The following EDIL3 variants were observed in gnomAD, a reference collection of about 807,000 sequenced individuals.
EDIL3 encodes EGF like and discoidin domains 3.
A neutral mutation model predicts 67.4 loss-of-function variants in EDIL3; 37 were observed. The observed-to-expected ratio is 0.55, with a 90% CI of 0.42 to 0.72. The LOEUF is 0.72. Among genes scored for constraint, EDIL3 ranks in the 30% least tolerant of loss-of-function variants. EDIL3 has a pLI of 0.00. For missense variants in EDIL3, 527 were observed against 586.3 expected, an observed-to-expected ratio of 0.90 and a Z score of 1.04; for synonymous variants, 195 against 196.3, an observed-to-expected ratio of 0.99 and a Z score of 0.05.
chr5:84,235,089 C>T (rs1744654623), intron 2 of EDIL3, among the ~76,000 whole-genome samples: 1 of 152,066 alleles, frequency 6.6e-6, no homozygotes. Flanking sequence ...CGGACGTATC[C>T]ATAGAAGTAC....
intron 1 of EDIL3, among the ~76,000 whole-genome samples, chr5:84,320,977 T>C (rs1411984962): frequency 6.6e-6 from 1 of 152,182 alleles, no homozygotes; most frequent in Non-Finnish European, 1.5e-5. Flanking sequence ...AAATAATTAC[T>C]TAATGCTATT....
At chr5:84,321,901 A>C (rs192419881) in intron 1 of EDIL3, among the ~76,000 whole-genome samples, 1 of 152,148 alleles carries the variant, frequency 6.6e-6, no homozygotes, top group African/African-American at 2.4e-5. Context: ...ACATAGAAGG[A>C]CAGGACATTG....
At chr5:84,093,279 G>T (rs1747199628) in intron 6 of EDIL3, among the ~76,000 whole-genome samples, 1 of 151,760 alleles carries the variant, frequency 6.6e-6, no homozygotes, top group African/African-American at 2.4e-5. Flanking sequence ...CATGGGAATA[G>T]ACTTAAACTA....
rs1308859076 is a variant in EDIL3 at position 84,056,263 on chromosome 5, T to C, written c.1137+4037A>G. Among the ~76,000 whole-genome samples, 3 of 152,044 alleles carry C rather than the reference T, an allele frequency of 2.0e-5. 1 individual carries two copies. Among genetic ancestry groups the C allele is most frequent in the African/African-American group, 4.8e-5 (2 of 41,404 alleles). On this transcript the variant is annotated intron_variant, in intron 9 of 10. Transcript: ENST00000296591. ...GCATGTTCTCACTCATAGGTGGGAA[T>C]TGAACAATGAGCACACTTGGACACA...
At chr5:84,354,739 T>C (rs968468557) in intron 1 of EDIL3, among the ~76,000 whole-genome samples, 1 of 152,100 alleles carries the variant, frequency 6.6e-6, no homozygotes, top group Admixed American at 6.6e-5. Context: ...CAAATATGTA[T>C]AACTGAAATA....
chr5:84,378,164 T>G (rs1050440073), intron 1 of EDIL3, among the ~76,000 whole-genome samples: 2 of 152,232 alleles, frequency 1.3e-5, no homozygotes, highest in Non-Finnish European at 2.9e-5. Flanking sequence ...CTTAAATAAG[T>G]ACATTGTTCA....
intron 1 of EDIL3, among the ~76,000 whole-genome samples, chr5:84,370,995 G>C (rs545094467): frequency 1.3e-5 from 2 of 152,104 alleles, no homozygotes; most frequent in South Asian, 4.1e-4. Flanking sequence ...ACCACGTTTG[G>C]AGCTGGGTAT....
chr5:84,082,326 C>T (rs1183262065), intron 6 of EDIL3, among the ~76,000 whole-genome samples: 1 of 152,206 alleles, frequency 6.6e-6, no homozygotes, highest in East Asian at 1.9e-4. Context: ...TTAAAAGGTA[C>T]TTCTGGGAAA....
chr5:84,284,983 T>C (rs1745782017), intron 1 of EDIL3, among the ~76,000 whole-genome samples: 1 of 152,190 alleles, frequency 6.6e-6, no homozygotes, highest in South Asian at 2.1e-4. Context: ...GGTTGAAGTT[T>C]AGTTTAACAA....
chr5:84,168,910 T>C (rs1748761146), intron 4 of EDIL3, among the ~76,000 whole-genome samples: 1 of 152,138 alleles, frequency 6.6e-6, no homozygotes, highest in Non-Finnish European at 1.5e-5. Flanking sequence ...ACAACTACAA[T>C]AAAACTAAAA....
At chr5:84,239,611 ACTGGTAATCTT>A (rs1257156107) in intron 2 of EDIL3, among the ~76,000 whole-genome samples, 2 of 152,198 alleles carry the variant, frequency 1.3e-5, no homozygotes, top group Non-Finnish European at 2.9e-5. Context: ...AGTACTGGGA[ACTGGTAATCTT>A]ATCTTCTTGC....
chr5:84,117,489 A>C lies in EDIL3; in HGVS notation c.470-10659T>G, dbSNP rs1428543848. 2.6e-5 allele frequency among the ~76,000 whole-genome samples: 4 copies of C among 152,140 alleles called. No homozygotes were observed. In the South Asian group the frequency reaches 8.3e-4, roughly 31 times the overall value. On this transcript the variant is annotated intron_variant, in intron 5 of 10. Transcript: ENST00000296591. The stretch of plus-strand genomic sequence containing the variant: ...CAAAATATCCATAATGGGATAAATT[A>C]CTATTTTCTAAAATGTTGCAGCAGA...
At chr5:84,361,664 T>A (rs970338271) in intron 1 of EDIL3, among the ~76,000 whole-genome samples, 39 of 151,900 alleles carry the variant, frequency 2.6e-4, no homozygotes, top group East Asian at 3.8e-4. Context: ...GACTTTTTTT[T>A]ATACTATTAT....
intron 9 of EDIL3, among the ~76,000 whole-genome samples, chr5:83,979,012 A>C (rs373808397): frequency 6.6e-5 from 10 of 152,262 alleles, no homozygotes; most frequent in South Asian, 2.1e-4. Context: ...AAAAGAAAAC[A>C]TAGAGTCTGA....
intron 5 of EDIL3, among the ~76,000 whole-genome samples, chr5:84,131,418 A>G (rs1239720700): frequency 6.6e-6 from 1 of 152,212 alleles, no homozygotes; most frequent in Non-Finnish European, 1.5e-5. Context: ...TGCCAAGGCC[A>G]CTCATCAAGT....
At chr5:84,109,665 GATTCTAT>G (rs1239929444) in intron 5 of EDIL3, among the ~76,000 whole-genome samples, 1 of 151,960 alleles carries the variant, frequency 6.6e-6, no homozygotes, top group Non-Finnish European at 1.5e-5. Context: ...ACCAGTCCTC[GATTCTAT>G]ATTGTTGCTT....
chr5:84,069,466 T>C (rs927330343), intron 6 of EDIL3, among the ~76,000 whole-genome samples: 2 of 152,200 alleles, frequency 1.3e-5, no homozygotes, highest in Non-Finnish European at 2.9e-5. Context: ...TAATAAAATA[T>C]GTGAATATTA....
At chr5:84,254,319 G>A in intron 1 of EDIL3, 107 bp from the exon 2 acceptor site, 2 of 1,266,638 alleles carry the variant, frequency 1.6e-6, no homozygotes, top group Non-Finnish European at 1.1e-6. Flanking sequence ...TCAAAAGTCA[G>A]GGTAATATTA....
chr5:84,156,948 C>A (rs1022207687), intron 4 of EDIL3, among the ~76,000 whole-genome samples: 2 of 151,814 alleles, frequency 1.3e-5, no homozygotes, highest in Admixed American at 1.3e-4. Context: ...TCATAGACAC[C>A]GAAAGAGAAA....
Sources: gnomAD v4.1 joint callset for allele counts (sites outside exome capture counted in the v4.1 genomes callset) on GRCh38, gnomAD v4.1.1 for gene constraint, MANE v1.5 for transcripts, NCBI Gene and HGNC (gene_info 2026-07-23, HGNC 2026-07-21) for gene names.